PCDH15: variants seen among roughly 807,000 people sequenced by gnomAD.
PCDH15 encodes protocadherin-15.
Under a neutral mutation model 178.5 loss-of-function variants are expected in PCDH15, and 129 were observed. The ratio of observed to expected loss-of-function variants is 0.72; its 90% CI spans 0.63 to 0.84. The LOEUF is 0.84. Among genes scored for constraint, PCDH15 ranks in the 40% least tolerant of loss-of-function variants. The pLI is 0.00. For synonymous variants in PCDH15, 800 were observed against 732.0 expected (o/e 1.09, Z -1.50); for missense variants, 2,230 against 2,099.9 (o/e 1.06, Z -1.21).
intron 9 of PCDH15, among the ~76,000 whole-genome samples, chr10:54,228,029 T>G (rs2053639963): frequency 6.6e-6 from 1 of 152,172 alleles, no homozygotes; most frequent in Non-Finnish European, 1.5e-5. Context: ...CATCTTCCTA[T>G]CTTCTACAGA....
At chr10:55,260,228 G>C (rs555125383) in intron 1 of PCDH15, among the ~76,000 whole-genome samples, 2 of 152,102 alleles carry the variant, frequency 1.3e-5, no homozygotes, top group East Asian at 3.9e-4. Flanking sequence ...ACAGATACTA[G>C]TGAGGAGTCA....
chr10:54,503,216 T>A (rs1186723255), intron 3 of PCDH15, among the ~76,000 whole-genome samples: 1 of 133,140 alleles, frequency 7.5e-6, no homozygotes, highest in East Asian at 2.4e-4. Context: ...AGGCCAAATA[T>A]ACATATATAT....
chr10:54,799,171 C>G (rs904122310), intron 1 of PCDH15, among the ~76,000 whole-genome samples: 6 of 151,968 alleles, frequency 3.9e-5, no homozygotes, highest in Admixed American at 3.3e-4. Flanking sequence ...TTACCTTTTG[C>G]CTTTAATTTC....
intron 3 of PCDH15, among the ~76,000 whole-genome samples, chr10:54,517,910 C>T (rs149389430): frequency 0.019 from 2,950 of 152,290 alleles, 104 homozygotes; most frequent in African/African-American, 0.066. Flanking sequence ...AAGAAACTCA[C>T]TCAAAACCAC....
Position 54,103,514 on chromosome 10 carries a change from G to A in PCDH15, c.1918-13451C>T, listed in dbSNP as rs192048945. 4.2e-3 allele frequency among the ~76,000 whole-genome samples: 633 copies of A among 152,264 alleles called. 6 individuals carry two copies. Among genetic ancestry groups the A allele is most frequent in the African/African-American group, 0.014 (599 of 41,566 alleles). ...AGCAATTATAGGGCTCTTCAAAGAT[G>A]CAGGTGCTGCCCTCATAAATCTCTT... is the stretch of plus-strand genomic sequence containing the variant. On this transcript the variant is annotated intron_variant, in intron 15 of 37. Coordinates refer to ENST00000644397, the MANE Select transcript of PCDH15 (RefSeq NM_001384140.1).
At chr10:54,229,463 A>C (rs1239257012) in intron 9 of PCDH15, among the ~76,000 whole-genome samples, 2 of 152,156 alleles carry the variant, frequency 1.3e-5, no homozygotes, top group East Asian at 3.9e-4. Flanking sequence ...TAACTAAATG[A>C]TATGGTTTTG....
intron 8 of PCDH15, among the ~76,000 whole-genome samples, chr10:54,259,292 G>A (rs1359730543): frequency 2.6e-5 from 4 of 152,168 alleles, no homozygotes; most frequent in South Asian, 4.2e-4. Flanking sequence ...ATCTTCTACC[G>A]GCCCCTGTCT....
At chr10:54,772,087 T>G (rs984661047) in intron 1 of PCDH15, among the ~76,000 whole-genome samples, 2 of 152,162 alleles carry the variant, frequency 1.3e-5, no homozygotes, top group African/African-American at 4.8e-5. Flanking sequence ...TTTCCTCTTG[T>G]CTGTTTTATA....
chr10:55,134,275 T>G (rs10825469), intron 2 of PCDH15, among the ~76,000 whole-genome samples: 33,361 of 152,068 alleles, frequency 0.22, 3,921 homozygotes, highest in South Asian at 0.34. Flanking sequence ...GGAAATTCTT[T>G]CTCTAGTTGC....
chr10:54,767,440 T>TGTAAACTTACTTGC, intron 1 of PCDH15, among the ~76,000 whole-genome samples: 1 of 152,060 alleles, frequency 6.6e-6, no homozygotes, highest in Admixed American at 6.6e-5. Flanking sequence ...GAATTCCAAT[T>TGTAAACTTACTTGC]AAATTACATA....
chr10:54,214,496 T>C (rs753754560), intron 9 of PCDH15, among the ~76,000 whole-genome samples: 11 of 152,370 alleles, frequency 7.2e-5, no homozygotes, highest in Non-Finnish European at 1.6e-4. Context: ...TTGTTGCATA[T>C]ATTATTTCTT....
intron 3 of PCDH15, among the ~76,000 whole-genome samples, chr10:54,850,726 A>AT (rs140054733): frequency 0.11 from 16,237 of 152,200 alleles, 1,045 homozygotes; most frequent in African/African-American, 0.18. Flanking sequence ...AGTTTTGGTT[A>AT]TTATTGCTAG....
At chr10:54,144,190 C>A (rs1297090771) in intron 14 of PCDH15, among the ~76,000 whole-genome samples, 1 of 152,002 alleles carries the variant, frequency 6.6e-6, no homozygotes, top group Non-Finnish European at 1.5e-5. Context: ...ACGCTGCCCA[C>A]GATGCCCCTC....
At chr10:54,908,424 G>A (rs1483676462) in intron 2 of PCDH15, among the ~76,000 whole-genome samples, 1 of 152,252 alleles carries the variant, frequency 6.6e-6, no homozygotes, top group South Asian at 2.1e-4. Context: ...GAACTGCAGA[G>A]CCCTAAATAG....
intron 23 of PCDH15, among the ~76,000 whole-genome samples, chr10:53,959,179 G>GTA (rs562660762): frequency 0.021 from 3,107 of 147,150 alleles, 106 homozygotes; most frequent in African/African-American, 0.072. Flanking sequence ...TATATAGTGT[G>GTA]TATATATATA....
chr10:55,409,777 A>G (rs1315721262), intron 2 of PCDH15, among the ~76,000 whole-genome samples: 1 of 152,196 alleles, frequency 6.6e-6, no homozygotes, highest in African/African-American at 2.4e-5. Flanking sequence ...CCAGGGACAT[A>G]TATTAAGACA....
chr10:54,870,620 C>T (rs149199463), intron 3 of PCDH15, among the ~76,000 whole-genome samples: 1 of 151,626 alleles, frequency 6.6e-6, no homozygotes, highest in African/African-American at 2.4e-5. Context: ...CCCGTCTCTA[C>T]TAAAAATACA....
chr10:55,216,025 C>T (rs1327418592), intron 1 of PCDH15, among the ~76,000 whole-genome samples: 1 of 151,764 alleles, frequency 6.6e-6, no homozygotes, highest in African/African-American at 2.4e-5. Context: ...AGGTCTGTTA[C>T]TTACATGTAT....
chr10:53,926,980 A>G (rs1421709413), intron 25 of PCDH15, among the ~76,000 whole-genome samples: 1 of 152,192 alleles, frequency 6.6e-6, no homozygotes, highest in Non-Finnish European at 1.5e-5. Flanking sequence ...AATTTAACAT[A>G]CTTTTCATTA....
Sources: allele counts gnomAD v4.1 joint callset (sites outside exome capture counted in the v4.1 genomes callset), GRCh38; gene constraint gnomAD v4.1.1; transcripts MANE v1.5; gene names NCBI Gene and HGNC (gene_info 2026-07-23, HGNC 2026-07-21).